The following PMFBP1 variants were observed in gnomAD, a reference collection of about 807,000 sequenced individuals.
PMFBP1 encodes the protein polyamine-modulated factor 1-binding protein 1.
Under a neutral mutation model 137.8 loss-of-function variants are expected in PMFBP1, and 131 were observed. The observed-to-expected ratio is 0.95, with a 90% CI of 0.82 to 1.10. The LOEUF is 1.10. PMFBP1 is among the 50% of genes least tolerant of loss of function. The pLI is 0.00. For synonymous variants in PMFBP1, 490 were observed against 450.4 expected (o/e 1.09, Z -1.11); for missense variants, 1,199 against 1,175.4 (o/e 1.02, Z -0.29).
intron 5 of PMFBP1, among the ~76,000 whole-genome samples, chr16:72,148,111 G>T (rs903514366): frequency 2.6e-5 from 4 of 152,094 alleles, no homozygotes; most frequent in African/African-American, 9.7e-5. Flanking sequence ...GCAAAGTCTT[G>T]GAACCAACCC....
At chr16:72,134,663 TG>T (rs1488614371) in intron 9 of PMFBP1, among the ~76,000 whole-genome samples, 1 of 152,214 alleles carries the variant, frequency 6.6e-6, no homozygotes, top group East Asian at 1.9e-4. Context: ...GCTGAGCTCC[TG>T]GAACACTCCA....
chr16:72,149,583 G>A (rs911453911), intron 5 of PMFBP1, among the ~76,000 whole-genome samples: 1 of 152,298 alleles, frequency 6.6e-6, no homozygotes, highest in East Asian at 1.9e-4. Context: ...AGCACTTTGG[G>A]AGGCTGAGGT....
upstream of PMFBP1, chr16:72,172,586 A>G (rs1199710634): frequency 6.6e-6 from 1 of 151,408 alleles, no homozygotes; most frequent in Non-Finnish European, 1.5e-5. Context: ...GCCATGCCTA[A>G]CTTCTTCCTT....
At chr16:72,184,084 T>G in the PMFBP1 span, among the ~76,000 whole-genome samples, 1 of 152,204 alleles carries the variant, frequency 6.6e-6, no homozygotes, top group Non-Finnish European at 1.5e-5. Flanking sequence ...CTCTCCCAGA[T>G]TTCCTCCTGC....
intron 5 of PMFBP1, among the ~76,000 whole-genome samples, chr16:72,141,982 A>G (rs2042730313): frequency 6.6e-6 from 1 of 150,406 alleles, no homozygotes; most frequent in Non-Finnish European, 1.5e-5. Context: ...GTTCACAATC[A>G]TAAGGGGGTA....
upstream of PMFBP1, among the ~76,000 whole-genome samples, chr16:72,173,334 C>T (rs1454358048): frequency 6.6e-6 from 1 of 152,168 alleles, no homozygotes; most frequent in Admixed American, 6.5e-5. Flanking sequence ...TCTTTGCAGG[C>T]AAGCCCACTG....
chr16:72,176,418 G>A (rs1308375093), upstream of PMFBP1, among the ~76,000 whole-genome samples: 1 of 152,176 alleles, frequency 6.6e-6, no homozygotes, highest in East Asian at 1.9e-4. Flanking sequence ...ATTGGGATGT[G>A]CATGCACTCA....
chr16:72,129,314 G>A (rs1032197155), intron 12 of PMFBP1, 81 bp from the exon 13 acceptor site: 3 of 1,458,068 alleles, frequency 2.1e-6, no homozygotes, highest in Non-Finnish European at 2.8e-6. Flanking sequence ...TTGCACACAG[G>A]GCATGGCTGA....
chr16:72,226,083 C>T, the PMFBP1 span, among the ~76,000 whole-genome samples: 59 of 152,074 alleles, frequency 3.9e-4, no homozygotes, highest in Admixed American at 2.0e-4. Context: ...CATGGTCATC[C>T]CCAGCTGAAG....
the PMFBP1 span, among the ~76,000 whole-genome samples, chr16:72,183,787 C>T: frequency 6.6e-6 from 1 of 152,086 alleles, no homozygotes; most frequent in Non-Finnish European, 1.5e-5. Flanking sequence ...CCACCGTCTT[C>T]TCTCTCCTCT....
intron 3 of PMFBP1, among the ~76,000 whole-genome samples, chr16:72,155,366 C>A (rs1032578320): frequency 6.6e-6 from 1 of 152,212 alleles, no homozygotes; most frequent in African/African-American, 2.4e-5. Flanking sequence ...GCTCTCCTTC[C>A]TGTTTTTTCC....
chr16:72,210,408 A>T, the PMFBP1 span, among the ~76,000 whole-genome samples: 1 of 152,276 alleles, frequency 6.6e-6, no homozygotes, highest in East Asian at 1.9e-4. Context: ...AAAAAGTTAA[A>T]TGAATCCTTC....
chr16:72,238,879 C>A, the PMFBP1 span, among the ~76,000 whole-genome samples: 1 of 152,066 alleles, frequency 6.6e-6, no homozygotes, highest in Non-Finnish European at 1.5e-5. Flanking sequence ...GCGTTACTGA[C>A]ATCTAGTGGG....
chr16:72,203,670 C>G, the PMFBP1 span, among the ~76,000 whole-genome samples: 11 of 152,284 alleles, frequency 7.2e-5, no homozygotes, highest in African/African-American at 2.4e-4. Flanking sequence ...TGGTGGCTTC[C>G]TGATCACCAA....
chr16:72,192,850 C>T, the PMFBP1 span, among the ~76,000 whole-genome samples: 1 of 149,178 alleles, frequency 6.7e-6, no homozygotes, highest in African/African-American at 2.5e-5. Flanking sequence ...CGCAGTGAGC[C>T]GAGATCCTGC....
chr16:72,166,902 G>T (rs35959677), intron 2 of PMFBP1, among the ~76,000 whole-genome samples: 43,029 of 152,126 alleles, frequency 0.28, 6,408 homozygotes, highest in African/African-American at 0.38. Flanking sequence ...GTGCATAGTA[G>T]ACAGGGGATA....
chr16:72,205,058 A>G, the PMFBP1 span, among the ~76,000 whole-genome samples: 1 of 152,202 alleles, frequency 6.6e-6, no homozygotes, highest in African/African-American at 2.4e-5. Context: ...ACAGGATGAC[A>G]GGCCAGGACA....
the PMFBP1 span, among the ~76,000 whole-genome samples, chr16:72,247,481 A>T: frequency 1.3e-5 from 2 of 152,204 alleles, no homozygotes; most frequent in South Asian, 2.1e-4. Context: ...AGAACATCCC[A>T]AAATGTCACA....
chr16:72,159,064 G>A (rs1424592162), intron 3 of PMFBP1, among the ~76,000 whole-genome samples: 1 of 152,206 alleles, frequency 6.6e-6, no homozygotes, highest in African/African-American at 2.4e-5. Flanking sequence ...GTCCACTGCT[G>A]AGTGTGTATG....
Sources: allele counts gnomAD v4.1 joint callset (sites outside exome capture counted in the v4.1 genomes callset), GRCh38; gene constraint gnomAD v4.1.1; transcripts MANE v1.5; gene names NCBI Gene and HGNC (gene_info 2026-07-23, HGNC 2026-07-21).